Variants in CSMD1 observed in about 807,000 individuals in gnomAD.
CSMD1 encodes the protein CUB and sushi domain-containing protein 1.
A neutral mutation model predicts 417.5 loss-of-function variants in CSMD1; 213 were observed. The observed-to-expected ratio is 0.51, with a 90% confidence interval of 0.46 to 0.57. The LOEUF is 0.57. Ranked by LOEUF, CSMD1 falls within the 20% of genes least tolerant of loss-of-function variation. The pLI, the probability that CSMD1 is intolerant of heterozygous loss-of-function variation, is 0.00. For synonymous variants in CSMD1, 2,862 were observed against 1,736.8 expected (o/e 1.65, Z -16.11); for missense variants, 6,923 against 4,529.7 (o/e 1.53, Z -15.17).
At chr8:4,329,302 T>G (rs1434810691) in intron 3 of CSMD1, among the ~76,000 whole-genome samples, 1 of 152,204 alleles carries the variant, frequency 6.6e-6, no homozygotes, top group Admixed American at 6.5e-5. Flanking sequence ...ACTCATTTAT[T>G]TTTTGAGATG....
At chr8:4,779,907 C>CTTT (rs1222883064) in intron 1 of CSMD1, among the ~76,000 whole-genome samples, 2 of 146,542 alleles carry the variant, frequency 1.4e-5, no homozygotes, top group Non-Finnish European at 3.0e-5. Context: ...TTTCTTTTTT[C>CTTT]TTTTTTTTTT....
intron 2 of CSMD1, among the ~76,000 whole-genome samples, chr8:4,622,106 AG>A (rs1801814332): frequency 6.6e-6 from 1 of 151,940 alleles, no homozygotes; most frequent in African/African-American, 2.4e-5. Context: ...ATCTCTCATC[AG>A]GGAAATTCAG....
intron 8 of CSMD1, among the ~76,000 whole-genome samples, chr8:3,597,965 C>A (rs147165758): frequency 5.3e-5 from 8 of 152,128 alleles, no homozygotes; most frequent in African/African-American, 1.7e-4. Flanking sequence ...TGCACATGTA[C>A]CCCAGAACTT....
chr8:3,150,191 A>T (rs1475224198), intron 40 of CSMD1, among the ~76,000 whole-genome samples: 1 of 152,146 alleles, frequency 6.6e-6, no homozygotes, highest in Non-Finnish European at 1.5e-5. Context: ...CAAAACCAGC[A>T]AACCAAGAAA....
At chr8:3,273,970 CT>C (rs1563212524) in intron 26 of CSMD1, among the ~76,000 whole-genome samples, 1 of 151,444 alleles carries the variant, frequency 6.6e-6, no homozygotes, top group Non-Finnish European at 1.5e-5. Context: ...CTTCTGCTAG[CT>C]TTTGAATGTG....
intron 26 of CSMD1, among the ~76,000 whole-genome samples, chr8:3,244,760 T>C (rs1405134164): frequency 1.3e-5 from 2 of 152,118 alleles, no homozygotes; most frequent in African/African-American, 4.8e-5. Context: ...GGATATAAAG[T>C]AATAAGCGGA....
chr8:4,188,612 TGTGA>T (rs1259754452), intron 3 of CSMD1, among the ~76,000 whole-genome samples: 1 of 152,164 alleles, frequency 6.6e-6, no homozygotes, highest in African/African-American at 2.4e-5. Flanking sequence ...CTTAAGATTC[TGTGA>T]GTAAGATTCC....
chr8:4,352,046 G>C (rs534496694), intron 3 of CSMD1, among the ~76,000 whole-genome samples: 3 of 151,106 alleles, frequency 2.0e-5, no homozygotes, highest in Non-Finnish European at 4.4e-5. Flanking sequence ...TTGTGTCCCA[G>C]TGTGGTCTAC....
chr8:2,990,466 C>T (rs763888510), intron 54 of CSMD1, among the ~76,000 whole-genome samples: 1 of 152,198 alleles, frequency 6.6e-6, no homozygotes, highest in Non-Finnish European at 1.5e-5. Flanking sequence ...CCCCCATTTT[C>T]CATAGCCCCT....
chr8:3,736,663 C>G (rs538554334), intron 6 of CSMD1, among the ~76,000 whole-genome samples: 3 of 152,324 alleles, frequency 2.0e-5, no homozygotes, highest in Non-Finnish European at 2.9e-5. Flanking sequence ...CACCTGCGAC[C>G]TGGCCTGACT....
chr8:3,958,877 A>T (rs570459151), intron 5 of CSMD1, among the ~76,000 whole-genome samples: 1 of 152,348 alleles, frequency 6.6e-6, no homozygotes, highest in Admixed American at 6.5e-5. Flanking sequence ...ATGGAAAAAG[A>T]GAACAGATAT....
At chr8:4,482,976 T>C (rs1442144634) in intron 2 of CSMD1, among the ~76,000 whole-genome samples, 3 of 152,090 alleles carry the variant, frequency 2.0e-5, no homozygotes, top group Non-Finnish European at 2.9e-5. Context: ...AATAGAGTAA[T>C]GGAGTTAGGT....
chr8:3,807,972 C>A (rs376081309), intron 5 of CSMD1, among the ~76,000 whole-genome samples: 2 of 152,180 alleles, frequency 1.3e-5, no homozygotes, highest in African/African-American at 2.4e-5. Flanking sequence ...ACAAGACATG[C>A]AGCCCTATTC....
chr8:3,499,158 C>G (rs1223093273), intron 10 of CSMD1, among the ~76,000 whole-genome samples: 1 of 152,078 alleles, frequency 6.6e-6, no homozygotes, highest in Admixed American at 6.5e-5. Context: ...AAAACTTTTT[C>G]CTGTAGATGT....
intron 2 of CSMD1, among the ~76,000 whole-genome samples, chr8:4,521,201 T>C (rs540749585): frequency 1.3e-5 from 2 of 152,228 alleles, no homozygotes; most frequent in South Asian, 4.2e-4. Flanking sequence ...TTGTTTTCTA[T>C]ATAAAAATAC....
intron 3 of CSMD1, among the ~76,000 whole-genome samples, chr8:4,286,573 A>C (rs1032684144): frequency 6.6e-6 from 1 of 152,144 alleles, no homozygotes; most frequent in Non-Finnish European, 1.5e-5. Flanking sequence ...GAGGACACCC[A>C]AAACCAGCAC....
At position 3,366,681 on chromosome 8, in the gene CSMD1, G is replaced by C. The variant is rs547587723; in HGVS notation, c.3115+351C>G. On this transcript the variant is annotated intron_variant, in intron 20 of 69. Transcript: ENST00000635120. ...ATGCAATCAGGTGACAACAGACCCA[G>C]AGGATGCCTCCCAATAAAGGAACTT... 5.9e-5 allele frequency among the ~76,000 whole-genome samples: 9 copies of C among 152,292 alleles called. No individual in the cohort carries two copies. The South Asian group carries it at 1.9e-3, about 32-fold the overall frequency.
chr8:4,455,433 G>A (rs1052267020), intron 2 of CSMD1, among the ~76,000 whole-genome samples: 6 of 152,098 alleles, frequency 3.9e-5, no homozygotes, highest in African/African-American at 1.4e-4. Flanking sequence ...GGCAAATGAT[G>A]GAGAAATGAT....
At chr8:3,182,403 C>T (rs1321345195) in intron 36 of CSMD1, among the ~76,000 whole-genome samples, 2 of 152,004 alleles carry the variant, frequency 1.3e-5, no homozygotes, top group Admixed American at 6.6e-5. Flanking sequence ...TTAGTAGAGA[C>T]GGGATTTCAC....
Sources: gnomAD v4.1 joint callset for allele counts (sites outside exome capture counted in the v4.1 genomes callset) on GRCh38, gnomAD v4.1.1 for gene constraint, MANE v1.5 for transcripts, NCBI Gene and HGNC (gene_info 2026-07-23, HGNC 2026-07-21) for gene names.